PPM1L: variants seen among roughly 807,000 people sequenced by gnomAD.
PPM1L encodes the protein protein phosphatase, Mg2+/Mn2+ dependent 1L.
In PPM1L, 13 loss-of-function variants were observed where a neutral mutation model predicts 31.4. The observed-to-expected ratio is 0.41, with a 90% CI of 0.27 to 0.66. The LOEUF (loss-of-function observed/expected upper bound fraction) is 0.66, where lower values mean the gene tolerates loss of function less well. PPM1L is among the 30% of genes least tolerant of loss of function. The pLI, the probability that PPM1L is intolerant of heterozygous loss-of-function variation, is 0.29. For missense variants in PPM1L, 326 were observed against 453.7 expected (o/e 0.72, Z 2.56); for synonymous variants, 184 against 175.4 (o/e 1.05, Z -0.39).
intron 1 of PPM1L, among the ~76,000 whole-genome samples, chr3:160,934,665 A>G (rs183508533): frequency 2.4e-3 from 365 of 152,236 alleles, no homozygotes; most frequent in African/African-American, 8.5e-3. Flanking sequence ...AATATTTTAC[A>G]TCATTGGCCG....
chr3:160,872,260 G>T lies in PPM1L; in HGVS notation c.400-89476G>T, dbSNP rs1206581948. 2.0e-5 allele frequency among the ~76,000 whole-genome samples: 3 copies of T among 152,190 alleles called. 1 individual carries two copies. The highest frequency in any genetic ancestry group is 2.0e-4 in the Admixed American group (3 of 15,280). ...ATTTATAGCATCCAGCTAGCCAGAA[G>T]AAATGAATGAACAATTCTTAGGTAT... is the stretch of plus-strand genomic sequence containing the variant. On this transcript the variant is annotated intron_variant, in intron 1 of 3. Coordinates refer to ENST00000498165, the MANE Select transcript of PPM1L (RefSeq NM_139245.4).
intron 2 of PPM1L, among the ~76,000 whole-genome samples, chr3:160,990,330 C>T (rs1042483578): frequency 6.6e-6 from 1 of 152,172 alleles, no homozygotes; most frequent in South Asian, 2.1e-4. Flanking sequence ...TTGTTTTTAC[C>T]ATCCTAAAAT....
At chr3:161,064,739 C>T (rs1576626215) in intron 2 of PPM1L, among the ~76,000 whole-genome samples, 1 of 152,094 alleles carries the variant, frequency 6.6e-6, no homozygotes, top group Non-Finnish European at 1.5e-5. Context: ...CAGGCAAGCA[C>T]GTCTTCAATC....
intron 1 of PPM1L, among the ~76,000 whole-genome samples, chr3:160,779,702 T>G (rs914245785): frequency 6.6e-6 from 1 of 151,960 alleles, no homozygotes; most frequent in Non-Finnish European, 1.5e-5. Context: ...TTTGTATTTT[T>G]TTTTTTTTTA....
chr3:160,884,282 G>A (rs1712833201), intron 1 of PPM1L, among the ~76,000 whole-genome samples: 1 of 152,188 alleles, frequency 6.6e-6, no homozygotes, highest in African/African-American at 2.4e-5. Context: ...CTTTGTGGAG[G>A]AGCTGGCATT....
At chr3:160,850,856 G>T in intron 1 of PPM1L, among the ~76,000 whole-genome samples, 1 of 147,976 alleles carries the variant, frequency 6.8e-6, no homozygotes, top group Non-Finnish European at 1.5e-5. Context: ...TCACTTTAAG[G>T]ATATTGCTTC....
chr3:160,993,075 GTT>G (rs550011821), intron 2 of PPM1L, among the ~76,000 whole-genome samples: 1 of 145,298 alleles, frequency 6.9e-6, no homozygotes, highest in African/African-American at 2.5e-5. Context: ...TTACAACAAG[GTT>G]TTTTTTTTTT....
At chr3:160,763,439 T>A (rs1715021053) in intron 1 of PPM1L, among the ~76,000 whole-genome samples, 1 of 152,188 alleles carries the variant, frequency 6.6e-6, no homozygotes, top group Non-Finnish European at 1.5e-5. Flanking sequence ...TTTAAAAAAA[T>A]AAATAATTCA....
chr3:160,977,152 A>G (rs1295937406), intron 2 of PPM1L, among the ~76,000 whole-genome samples: 2 of 152,212 alleles, frequency 1.3e-5, no homozygotes, highest in Non-Finnish European at 2.9e-5. Context: ...TCTAGTGCCC[A>G]GAGGAATTAT....
intron 2 of PPM1L, among the ~76,000 whole-genome samples, chr3:160,965,021 G>A (rs1716092426): frequency 6.6e-6 from 1 of 152,030 alleles, no homozygotes; most frequent in African/African-American, 2.4e-5. Context: ...GGAGGCCGAG[G>A]TGGGCGGATC....
chr3:160,984,918 G>A (rs893601125), intron 2 of PPM1L, among the ~76,000 whole-genome samples: 13 of 152,180 alleles, frequency 8.5e-5, no homozygotes, highest in Non-Finnish European at 1.9e-4. Context: ...ATGGGAGGGA[G>A]GGCTGGTGGT....
rs570068042 is a variant in PPM1L at position 161,045,480 on chromosome 3, T to C, written c.575-19923T>C. 5.2e-3 allele frequency among the ~76,000 whole-genome samples: 788 copies of C among 152,066 alleles called. 4 individuals are homozygous for C. Among genetic ancestry groups the C allele is most frequent in the African/African-American group, 0.018 (757 of 41,392 alleles). ...GGATTAAGAAACTTAATCAAAACCG[T>C]TCAACTACATGGAAACTGAACAACC... On this transcript the variant is annotated intron_variant, in intron 2 of 3. Coordinates refer to ENST00000498165, the MANE Select transcript of PPM1L (RefSeq NM_139245.4).
intron 1 of PPM1L, among the ~76,000 whole-genome samples, chr3:160,903,631 T>G (rs1352089362): frequency 6.6e-6 from 1 of 152,060 alleles, no homozygotes; most frequent in East Asian, 1.9e-4. Flanking sequence ...AGATGGTATT[T>G]TCTATTACTT....
chr3:160,909,543 A>G (rs1713882499), intron 1 of PPM1L, among the ~76,000 whole-genome samples: 1 of 152,212 alleles, frequency 6.6e-6, no homozygotes, highest in South Asian at 2.1e-4. Flanking sequence ...CTGGGTTCAG[A>G]ATAGAAATCT....
intron 2 of PPM1L, among the ~76,000 whole-genome samples, chr3:161,054,623 A>G (rs1356526572): frequency 6.6e-6 from 1 of 152,164 alleles, no homozygotes; most frequent in Non-Finnish European, 1.5e-5. Context: ...CCTGATGTTG[A>G]AAGCAAGACT....
chr3:160,978,793 G>A (rs1283278530), intron 2 of PPM1L, among the ~76,000 whole-genome samples: 2 of 152,004 alleles, frequency 1.3e-5, no homozygotes, highest in African/African-American at 4.8e-5. Flanking sequence ...TCATGCTACT[G>A]TACTCCAGCC....
intron 2 of PPM1L, among the ~76,000 whole-genome samples, chr3:161,008,241 G>A (rs1312700003): frequency 6.6e-6 from 1 of 152,114 alleles, no homozygotes; most frequent in Non-Finnish European, 1.5e-5. Context: ...CCATAAGACC[G>A]CCATTCCAGA....
intron 1 of PPM1L, among the ~76,000 whole-genome samples, chr3:160,928,396 T>C (rs944850409): frequency 7.2e-5 from 11 of 152,164 alleles, no homozygotes; most frequent in African/African-American, 2.4e-5. Context: ...GGTCACATGA[T>C]TGAAACAGGG....
At chr3:161,056,899 T>TA (rs1393511541) in intron 2 of PPM1L, among the ~76,000 whole-genome samples, 1 of 151,956 alleles carries the variant, frequency 6.6e-6, no homozygotes, top group Non-Finnish European at 1.5e-5. Flanking sequence ...CCGTCTCTAC[T>TA]AAAAATACAA....
Sources: allele counts gnomAD v4.1 joint callset (sites outside exome capture counted in the v4.1 genomes callset), GRCh38; gene constraint gnomAD v4.1.1; transcripts MANE v1.5; gene names NCBI Gene and HGNC (gene_info 2026-07-23, HGNC 2026-07-21).